Variants in BCKDHB observed in about 807,000 individuals in gnomAD.
BCKDHB encodes the protein branched chain keto acid dehydrogenase E1 subunit beta, also known as 2-oxoisovalerate dehydrogenase subunit beta, mitochondrial.
In BCKDHB, 41 loss-of-function variants were observed where a neutral mutation model predicts 48.5. The observed-to-expected ratio is 0.85, with a 90% CI of 0.66 to 1.10. The LOEUF (loss-of-function observed/expected upper bound fraction) is 1.10. Among genes scored for constraint, BCKDHB ranks in the 50% least tolerant of loss-of-function variants. BCKDHB has a pLI of 0.00. For missense variants in BCKDHB, 496 were observed against 494.2 expected (o/e 1.00, Z -0.03); for synonymous variants, 201 against 174.8 (o/e 1.15, Z -1.18).
intron 9 of BCKDHB, among the ~76,000 whole-genome samples, chr6:80,319,804 A>T (rs530788434): frequency 6.6e-6 from 1 of 152,330 alleles, no homozygotes; most frequent in Admixed American, 6.5e-5. Context: ...AAGGTGTATA[A>T]TTATAATCTT....
Position 80,299,801 on chromosome 6 carries a change from A to C in BCKDHB, c.1038+26580A>C, listed in dbSNP as rs148791047. 5.4e-4 allele frequency among the ~76,000 whole-genome samples: 83 copies of C among 152,334 alleles called. 1 individual carries two copies. In the East Asian group the frequency reaches 0.013, roughly 24 times the overall value. ...GCCACTATAAATCAACTACACAATC[A>C]ATTTTACATAACAGATAGCTAACAA... On this transcript the variant is annotated intron_variant, in intron 9 of 9. Transcript: ENST00000320393.
At chr6:80,136,824 A>G (rs1348802223) in intron 3 of BCKDHB, among the ~76,000 whole-genome samples, 1 of 152,182 alleles carries the variant, frequency 6.6e-6, no homozygotes, top group Non-Finnish European at 1.5e-5. Flanking sequence ...TTGATAATTT[A>G]TATATAAATT....
intron 6 of BCKDHB, among the ~76,000 whole-genome samples, chr6:80,175,262 A>G (rs1230162313): frequency 6.6e-6 from 1 of 152,208 alleles, no homozygotes; most frequent in Non-Finnish European, 1.5e-5. Context: ...TGAAGATTGC[A>G]CACATTAAAT....
chr6:80,278,401 T>G (rs1393958965), intron 9 of BCKDHB, among the ~76,000 whole-genome samples: 1 of 152,210 alleles, frequency 6.6e-6, no homozygotes, highest in East Asian at 1.9e-4. Context: ...AACCAAAGTC[T>G]AAATCACTCT....
intron 9 of BCKDHB, among the ~76,000 whole-genome samples, chr6:80,291,361 G>A (rs1243917149): frequency 6.6e-6 from 1 of 152,180 alleles, no homozygotes; most frequent in Non-Finnish European, 1.5e-5. Context: ...TCATCGGTAT[G>A]TCAAGGGCCA....
At chr6:80,255,351 T>C (rs1445385022) in intron 8 of BCKDHB, among the ~76,000 whole-genome samples, 2 of 152,216 alleles carry the variant, frequency 1.3e-5, no homozygotes, top group Admixed American at 6.5e-5. Context: ...AAATGAGTCA[T>C]CAATGAAAGA....
chr6:80,318,633 C>T (rs191024245), intron 9 of BCKDHB, among the ~76,000 whole-genome samples: 171 of 149,064 alleles, frequency 1.1e-3, no homozygotes, highest in African/African-American at 4.0e-3. Context: ...TGCAGTGAGC[C>T]AAGATTGTGC....
intron 8 of BCKDHB, among the ~76,000 whole-genome samples, chr6:80,211,026 A>G (rs1774909943): frequency 6.6e-6 from 1 of 152,190 alleles, no homozygotes; most frequent in South Asian, 2.1e-4. Flanking sequence ...AGGTGCCTTC[A>G]AAAATAAGAA....
chr6:80,188,948 T>C (rs1349387801), intron 6 of BCKDHB, among the ~76,000 whole-genome samples: 1 of 152,152 alleles, frequency 6.6e-6, no homozygotes, highest in East Asian at 1.9e-4. Flanking sequence ...ACATTTTTAG[T>C]CTTTCTGAGA....
At chr6:80,198,836 G>T (rs969433453) in intron 6 of BCKDHB, among the ~76,000 whole-genome samples, 3 of 152,178 alleles carry the variant, frequency 2.0e-5, no homozygotes, top group African/African-American at 7.2e-5. Context: ...ATAAGCGGAA[G>T]AAATTTATTG....
chr6:80,271,765 A>G (rs573447794), intron 8 of BCKDHB, among the ~76,000 whole-genome samples: 2 of 151,714 alleles, frequency 1.3e-5, no homozygotes, highest in African/African-American at 2.4e-5. Context: ...GTGAGCCGAC[A>G]TGGTGCCACT....
At chr6:80,405,985 C>T in the BCKDHB span, among the ~76,000 whole-genome samples, 1 of 152,020 alleles carries the variant, frequency 6.6e-6, no homozygotes, top group South Asian at 2.1e-4. Context: ...CAGGCCCCCG[C>T]CCCCACCAGG....
At chr6:80,314,389 T>G (rs1222689432) in intron 9 of BCKDHB, among the ~76,000 whole-genome samples, 2 of 152,188 alleles carry the variant, frequency 1.3e-5, no homozygotes, top group African/African-American at 4.8e-5. Context: ...CCCTGATCCA[T>G]TTGGGCTGCC....
At chr6:80,146,525 A>C (rs1771496730) in intron 3 of BCKDHB, among the ~76,000 whole-genome samples, 1 of 152,162 alleles carries the variant, frequency 6.6e-6, no homozygotes, top group Non-Finnish European at 1.5e-5. Context: ...TCAAGGCCTA[A>C]ATCCGCAGGG....
the BCKDHB span, among the ~76,000 whole-genome samples, chr6:80,373,111 A>C: frequency 6.6e-6 from 1 of 151,942 alleles, no homozygotes; most frequent in Admixed American, 6.6e-5. Context: ...TCAAATTACC[A>C]TTTCAATCTT....
At chr6:80,132,961 A>G (rs1770704365) in intron 3 of BCKDHB, among the ~76,000 whole-genome samples, 1 of 152,184 alleles carries the variant, frequency 6.6e-6, no homozygotes, top group Non-Finnish European at 1.5e-5. Context: ...TCTGCTTAGG[A>G]TTTTTAAAGG....
In BCKDHB at chr6:80,205,587, G is replaced by A. The variant is rs376835845; in HGVS notation, c.951+2375G>A. Among the ~76,000 whole-genome samples the A allele has an allele frequency of 1.4e-4, 21 of 152,156 alleles. 1 individual carries two copies. In the South Asian group the frequency reaches 3.9e-3, roughly 29 times the overall value. On this transcript the variant is annotated intron_variant, in intron 8 of 9. Coordinates refer to ENST00000320393, the MANE Select transcript of BCKDHB (RefSeq NM_183050.4). Reference sequence around the variant, plus strand: ...AAACCAAAATAAATATTTGCTCGGGGATAGAGAAAGGAGCAGAGTCTTTGA... The same window carrying A: ...AAACCAAAATAAATATTTGCTCGGGAATAGAGAAAGGAGCAGAGTCTTTGA...
At chr6:80,436,252 G>A in the BCKDHB span, among the ~76,000 whole-genome samples, 1 of 126,170 alleles carries the variant, frequency 7.9e-6, no homozygotes, top group East Asian at 2.9e-4. Context: ...TCTGCCCCCC[G>A]GGTTCACGCC....
intron 3 of BCKDHB, among the ~76,000 whole-genome samples, chr6:80,137,326 C>T (rs1770938868): frequency 1.3e-5 from 2 of 152,084 alleles, no homozygotes; most frequent in Admixed American, 1.3e-4. Context: ...AACTTTAGTT[C>T]TATATGACGT....
Sources: gnomAD v4.1 joint callset for allele counts (sites outside exome capture counted in the v4.1 genomes callset) on GRCh38, gnomAD v4.1.1 for gene constraint, MANE v1.5 for transcripts, NCBI Gene and HGNC (gene_info 2026-07-23, HGNC 2026-07-21) for gene names.